Variants in SORCS3 observed in about 807,000 individuals in gnomAD.
SORCS3 encodes the protein sortilin related VPS10 domain containing receptor 3, also known as VPS10 domain-containing receptor SorCS3.
A neutral mutation model predicts 146.3 loss-of-function variants in SORCS3; 57 were observed. The observed-to-expected ratio is 0.39, with a 90% CI of 0.31 to 0.49. The LOEUF is 0.49. Ranked by LOEUF, SORCS3 falls within the 20% of genes least tolerant of loss-of-function variation. The pLI is 0.92. For missense variants in SORCS3, 1,341 were observed against 1,575.5 expected (o/e 0.85, Z 2.52); for synonymous variants, 653 against 618.5 (o/e 1.06, Z -0.83).
chr10:104,979,694 A>G (rs1258722072), intron 4 of SORCS3, among the ~76,000 whole-genome samples: 1 of 152,174 alleles, frequency 6.6e-6, no homozygotes, highest in African/African-American at 2.4e-5. Flanking sequence ...CCATCCCCTA[A>G]GGACACCCAC....
chr10:104,888,019 A>G (rs1589536975), intron 2 of SORCS3, among the ~76,000 whole-genome samples: 2 of 136,328 alleles, frequency 1.5e-5, no homozygotes, highest in Admixed American at 7.0e-5. Context: ...GAGTGCTTCT[A>G]AGAGTTTGGG....
intron 1 of SORCS3, among the ~76,000 whole-genome samples, chr10:104,743,953 T>G (rs1240427317): frequency 6.6e-6 from 1 of 152,218 alleles, no homozygotes; most frequent in Non-Finnish European, 1.5e-5. Context: ...TTATGATCAT[T>G]ATTCTAACAA....
At chr10:104,957,574 C>CACACACAT (rs2019508584) in intron 3 of SORCS3, among the ~76,000 whole-genome samples, 1 of 152,066 alleles carries the variant, frequency 6.6e-6, no homozygotes, top group Non-Finnish European at 1.5e-5. Context: ...CACACACACA[C>CACACACAT]ACACACTCAG....
At chr10:104,826,035 A>G (rs1246600704) in intron 1 of SORCS3, among the ~76,000 whole-genome samples, 2 of 152,112 alleles carry the variant, frequency 1.3e-5, no homozygotes, top group Non-Finnish European at 2.9e-5. Context: ...TAATTTCTAT[A>G]TATCTTATCT....
At chr10:104,838,350 A>G (rs2018095831) in intron 1 of SORCS3, among the ~76,000 whole-genome samples, 1 of 151,984 alleles carries the variant, frequency 6.6e-6, no homozygotes. Context: ...TCTACTTTCA[A>G]TGTTCTTCCC....
chr10:104,980,329 G>A (rs2054925073), intron 4 of SORCS3, among the ~76,000 whole-genome samples: 1 of 152,208 alleles, frequency 6.6e-6, no homozygotes, highest in Non-Finnish European at 1.5e-5. Flanking sequence ...TAAATGATGT[G>A]TGAAAGCAGA....
At chr10:104,700,790 G>T (rs923892414) in intron 1 of SORCS3, among the ~76,000 whole-genome samples, 9 of 152,188 alleles carry the variant, frequency 5.9e-5, no homozygotes, top group African/African-American at 2.2e-4. Context: ...AGAATAAAAG[G>T]CAGGGGCTCA....
chr10:104,788,313 T>C (rs2017460685), intron 1 of SORCS3, among the ~76,000 whole-genome samples: 1 of 152,218 alleles, frequency 6.6e-6, no homozygotes, highest in African/African-American at 2.4e-5. Context: ...AAATCAGTTA[T>C]GGTGCATTTA....
intron 4 of SORCS3, among the ~76,000 whole-genome samples, chr10:104,997,103 G>T (rs2055031886): frequency 6.6e-6 from 1 of 152,156 alleles, no homozygotes; most frequent in Non-Finnish European, 1.5e-5. Context: ...GGAATAATAG[G>T]GGAATGTGAT....
intron 4 of SORCS3, among the ~76,000 whole-genome samples, chr10:105,039,699 C>G (rs1330003369): frequency 6.6e-6 from 1 of 152,040 alleles, no homozygotes; most frequent in African/African-American, 2.4e-5. Flanking sequence ...TTGGGATCCA[C>G]CTGCCTCAGC....
intron 7 of SORCS3, among the ~76,000 whole-genome samples, chr10:105,132,316 G>A (rs531965937): frequency 2.2e-4 from 33 of 152,188 alleles, no homozygotes; most frequent in African/African-American, 6.7e-4. Flanking sequence ...AATAATGATA[G>A]TAATAATAAT....
chr10:104,648,534 C>G (rs370922053), intron 1 of SORCS3, among the ~76,000 whole-genome samples: 4 of 152,102 alleles, frequency 2.6e-5, no homozygotes, highest in Non-Finnish European at 5.9e-5. Flanking sequence ...GGGCCATACT[C>G]TATAGTCAAC....
At chr10:105,118,697 C>T (rs1403718751) in intron 7 of SORCS3, among the ~76,000 whole-genome samples, 5 of 152,134 alleles carry the variant, frequency 3.3e-5, no homozygotes, top group African/African-American at 9.7e-5. Flanking sequence ...AGATGAGAAG[C>T]TTCTTGGGAA....
intron 8 of SORCS3, among the ~76,000 whole-genome samples, chr10:105,144,267 C>A (rs539669701): frequency 6.6e-6 from 1 of 152,234 alleles, no homozygotes; most frequent in African/African-American, 2.4e-5. Context: ...CTCCAGTCAC[C>A]ATTTTTAGCA....
chr10:105,104,504 G>A (rs531743828), intron 6 of SORCS3, among the ~76,000 whole-genome samples: 1 of 152,258 alleles, frequency 6.6e-6, no homozygotes, highest in East Asian at 1.9e-4. Flanking sequence ...TGCTTGAGGC[G>A]AGGGAGGAGG....
At chr10:104,886,182 G>A (rs998671880) in intron 2 of SORCS3, among the ~76,000 whole-genome samples, 1 of 152,084 alleles carries the variant, frequency 6.6e-6, no homozygotes, top group African/African-American at 2.4e-5. Context: ...TTGATTTGTG[G>A]TTTTATGCAA....
intron 6 of SORCS3, among the ~76,000 whole-genome samples, chr10:105,093,459 T>C (rs566025146): frequency 6.6e-6 from 1 of 152,284 alleles, no homozygotes; most frequent in Non-Finnish European, 1.5e-5. Context: ...CTTCAAAAGA[T>C]ACTGTTAAAA....
intron 7 of SORCS3, among the ~76,000 whole-genome samples, chr10:105,116,913 G>A (rs2055897497): frequency 6.6e-6 from 1 of 152,030 alleles, no homozygotes; most frequent in East Asian, 1.9e-4. Context: ...AGGAAGAGGA[G>A]CAGAAAACTA....
chr10:105,004,446 A>G (rs10400055), intron 4 of SORCS3, among the ~76,000 whole-genome samples: 35,970 of 151,858 alleles, frequency 0.24, 4,801 homozygotes, highest in African/African-American at 0.35. Context: ...CTGAATTTCT[A>G]GACAGAGCTG....
Sources: allele counts gnomAD v4.1 joint callset (sites outside exome capture counted in the v4.1 genomes callset), GRCh38; gene constraint gnomAD v4.1.1; transcripts MANE v1.5; gene names NCBI Gene and HGNC (gene_info 2026-07-23, HGNC 2026-07-21).